The following SRGAP2C variants were observed in gnomAD, a reference collection of about 807,000 sequenced individuals.
SRGAP2C encodes SLIT-ROBO Rho GTPase activating protein 2C, also known as SLIT-ROBO Rho GTPase-activating protein 2C.
In SRGAP2C, 15 loss-of-function variants were observed where a neutral mutation model predicts 25.1. The observed-to-expected ratio is 0.60, with a 90% CI of 0.40 to 0.92. SRGAP2C has a LOEUF of 0.92. SRGAP2C is among the 40% of genes least tolerant of loss of function. The pLI is 0.00. For synonymous variants in SRGAP2C, 44 were observed against 96.6 expected, an observed-to-expected ratio of 0.46 and a Z score of 3.19; for missense variants, 144 against 264.4, an observed-to-expected ratio of 0.54 and a Z score of 3.16.
chr1:121,209,611 C>T (rs1570706536), intron 2 of SRGAP2C, among the ~76,000 whole-genome samples: 1 of 142,228 alleles, frequency 7.0e-6, no homozygotes, highest in Admixed American at 7.0e-5. Flanking sequence ...GCTTTCTGTG[C>T]CTCAATTTCT....
At chr1:121,306,837 T>A (rs1657852341) in intron 3 of SRGAP2C, among the ~76,000 whole-genome samples, 1 of 152,092 alleles carries the variant, frequency 6.6e-6, no homozygotes, top group East Asian at 1.9e-4. Context: ...TGATCATGAA[T>A]CTCTATATTT....
At position 121,280,073 on chromosome 1, in the gene SRGAP2C, A is replaced by G. The variant is rs1657206808; in HGVS notation, c.68-4730A>G. Among the ~76,000 whole-genome samples the G allele has an allele frequency of 4.0e-5, 6 of 150,894 alleles. No individual in the cohort carries two copies. The South Asian group carries it at 1.3e-3, about 32-fold the overall frequency. ...AAAATTCACTCTTTTAAAGTGTACA[A>G]TTCAATTTTTTAAACATATTCACAA... is the stretch of plus-strand genomic sequence containing the variant. On this transcript the variant is annotated intron_variant, in intron 2 of 9. Transcript: ENST00000367123.
In SRGAP2C at chr1:121,389,115, C is replaced by T. The variant is rs1246753685; in HGVS notation, c.*1260C>T. 1 of 151,972 alleles carries T rather than the reference C, an allele frequency of 6.6e-6. No individual in the cohort carries two copies. Among genetic ancestry groups the T allele is most frequent in the Non-Finnish European group, 1.5e-5 (1 of 67,988 alleles). 9.4% of individuals were successfully genotyped at this position (151,972 alleles called of 1,614,324 possible). A position where few individuals can be genotyped will look rare whatever the true frequency, so the allele number is the denominator to read the frequency against. ...GGACACTGCTGTACATATTGTTTTA[C>T]AATCTAAGTCATATAATTATAATAT... is the stretch of plus-strand genomic sequence containing the variant. On this transcript the variant is annotated 3_prime_UTR_variant, in exon 10 of 10. Coordinates refer to ENST00000367123, the MANE Select transcript of SRGAP2C (RefSeq NM_001329984.2).
intron 8 of SRGAP2C, among the ~76,000 whole-genome samples, chr1:121,383,308 G>T (rs1262343226): frequency 6.7e-6 from 1 of 148,184 alleles, no homozygotes; most frequent in Non-Finnish European, 1.5e-5. Context: ...AAGTGAGGGA[G>T]GGGGGCGCTC....
chr1:121,336,131 C>G (rs1337195008), intron 4 of SRGAP2C, among the ~76,000 whole-genome samples: 6 of 152,124 alleles, frequency 3.9e-5, no homozygotes, highest in African/African-American at 7.2e-5. Context: ...CTTTGAATGC[C>G]AAATTCTATC....
chr1:121,297,846 A>C, intron 3 of SRGAP2C, among the ~76,000 whole-genome samples: 1 of 145,762 alleles, frequency 6.9e-6, no homozygotes, highest in Non-Finnish European at 1.5e-5. Context: ...TAAGTGAATT[A>C]ATAATATGTG....
At chr1:121,237,418 G>A (rs368866432) in intron 2 of SRGAP2C, among the ~76,000 whole-genome samples, 10 of 152,136 alleles carry the variant, frequency 6.6e-5, no homozygotes, top group Non-Finnish European at 1.2e-4. Flanking sequence ...TCAGAGTAGC[G>A]TGTAGAGTGG....
At chr1:121,271,542 G>A (rs1470841459) in intron 2 of SRGAP2C, among the ~76,000 whole-genome samples, 2 of 151,552 alleles carry the variant, frequency 1.3e-5, no homozygotes, top group Non-Finnish European at 2.9e-5. Flanking sequence ...TGAGTGGTTT[G>A]AAGACTGTTC....
At position 121,244,407 on chromosome 1, in the gene SRGAP2C, T is replaced by C. The variant is rs1361357698; in HGVS notation, c.68-40396T>C. On this transcript the variant is annotated intron_variant, in intron 2 of 9. Coordinates refer to ENST00000367123, the MANE Select transcript of SRGAP2C (RefSeq NM_001329984.2). Reference sequence around the variant, plus strand: ...GAAAACATGACGTCAAATTGTTGGATATTTTCCTACAGTTGGTTTAGTCCC... The same window carrying C: ...GAAAACATGACGTCAAATTGTTGGACATTTTCCTACAGTTGGTTTAGTCCC... Among the ~76,000 whole-genome samples, 18 of 122,718 alleles carry C rather than the reference T, an allele frequency of 1.5e-4. 1 individual carries two copies. The highest frequency in any genetic ancestry group is 5.7e-4 in the Admixed American group (7 of 12,274). 80.5% of individuals were successfully genotyped at this position (122,718 alleles called of 152,430 possible).
chr1:121,250,601 A>AAC (rs1656336150), intron 2 of SRGAP2C, among the ~76,000 whole-genome samples: 1 of 91,396 alleles, frequency 1.1e-5, no homozygotes, highest in Admixed American at 1.2e-4. Context: ...AGAATGAATA[A>AAC]ACAAAGTGTG....
chr1:121,370,993 A>G (rs1553350944), intron 5 of SRGAP2C, among the ~76,000 whole-genome samples: 1 of 151,722 alleles, frequency 6.6e-6, no homozygotes, highest in African/African-American at 2.4e-5. Flanking sequence ...CTATTATTTT[A>G]GTGTGGCTGT....
chr1:121,375,092 A>G (rs2993862), intron 7 of SRGAP2C, 138 bp downstream of exon 7: 371,389 of 605,694 alleles, frequency 0.61, 116,097 homozygotes, highest in East Asian at 0.79. Flanking sequence ...GATCCATCAG[A>G]GTGCTTGCCA....
chr1:121,350,589 A>T (rs1378280740), intron 4 of SRGAP2C, among the ~76,000 whole-genome samples: 1 of 152,160 alleles, frequency 6.6e-6, no homozygotes, highest in Non-Finnish European at 1.5e-5. Context: ...TAATAAAAAA[A>T]AATAACTCAA....
chr1:121,316,917 A>G (rs1479882224), intron 3 of SRGAP2C, among the ~76,000 whole-genome samples: 2 of 151,186 alleles, frequency 1.3e-5, no homozygotes, highest in South Asian at 4.2e-4. Context: ...ATTCCTCCCT[A>G]TAGTTCTGGG....
At chr1:121,377,935 A>C (rs587761880) in intron 7 of SRGAP2C, among the ~76,000 whole-genome samples, 2 of 152,138 alleles carry the variant, frequency 1.3e-5, no homozygotes, top group East Asian at 3.9e-4. Flanking sequence ...ACACTTGTAC[A>C]TCCTATGGGG....
intron 4 of SRGAP2C, among the ~76,000 whole-genome samples, chr1:121,343,271 G>A (rs1658671811): frequency 6.6e-6 from 1 of 152,010 alleles, no homozygotes. Flanking sequence ...TCTGTCTCAA[G>A]CTGCAGGCTG....
intron 3 of SRGAP2C, among the ~76,000 whole-genome samples, chr1:121,308,810 A>G (rs1227435630): frequency 2.0e-5 from 3 of 147,508 alleles, no homozygotes; most frequent in Non-Finnish European, 3.0e-5. Context: ...GTGGTGGCAC[A>G]TGCCTGTAAT....
intron 2 of SRGAP2C, among the ~76,000 whole-genome samples, chr1:121,279,362 C>T (rs1657190423): frequency 6.9e-6 from 1 of 144,216 alleles, no homozygotes; most frequent in East Asian, 2.1e-4. Context: ...GGCTGAACAC[C>T]CCCACTCCCT....
At chr1:121,331,214 T>G (rs1306105786) in intron 4 of SRGAP2C, among the ~76,000 whole-genome samples, 4 of 79,926 alleles carry the variant, frequency 5.0e-5, no homozygotes, top group Non-Finnish European at 8.9e-5. Context: ...GAATGTTACC[T>G]TATGCATGTA....
Sources: allele counts gnomAD v4.1 joint callset (sites outside exome capture counted in the v4.1 genomes callset), GRCh38; gene constraint gnomAD v4.1.1; transcripts MANE v1.5; gene names NCBI Gene and HGNC (gene_info 2026-07-23, HGNC 2026-07-21).